POU6F2: variants seen among roughly 807,000 people sequenced by gnomAD.
The protein encoded by POU6F2 is POU class 6 homeobox 2, also known as POU domain, class 6, transcription factor 2.
POU6F2 carries 31 observed loss-of-function variants against 71.3 expected under a neutral mutation model. The ratio of observed to expected loss-of-function variants is 0.43; its 90% CI spans 0.33 to 0.59. The LOEUF (loss-of-function observed/expected upper bound fraction) is 0.59. Among genes scored for constraint, POU6F2 ranks in the 20% least tolerant of loss-of-function variants. POU6F2 has a pLI of 0.04. For missense variants in POU6F2, 783 were observed against 856.8 expected (o/e 0.91, Z 1.07); for synonymous variants, 347 against 355.7 (o/e 0.98, Z 0.27).
chr7:39,083,047 GTGCATGTTT>G (rs1308566212), intron 1 of POU6F2, among the ~76,000 whole-genome samples: 1 of 152,130 alleles, frequency 6.6e-6, no homozygotes, highest in Non-Finnish European at 1.5e-5. Context: ...CCATCTGCCA[GTGCATGTTT>G]TGCACACATC....
intron 1 of POU6F2, among the ~76,000 whole-genome samples, chr7:39,075,526 AC>A (rs1790982473): frequency 6.6e-6 from 1 of 152,242 alleles, no homozygotes; most frequent in Non-Finnish European, 1.5e-5. Context: ...AGATGTATAC[AC>A]ATATTTCATG....
chr7:39,225,313 C>T (rs549830659), intron 4 of POU6F2, among the ~76,000 whole-genome samples: 3 of 152,156 alleles, frequency 2.0e-5, no homozygotes, highest in East Asian at 3.9e-4. Flanking sequence ...AGCTAAAGCT[C>T]GAAAAGAGGG....
At chr7:39,169,781 CAG>C (rs1793184151) in intron 2 of POU6F2, among the ~76,000 whole-genome samples, 1 of 151,908 alleles carries the variant, frequency 6.6e-6, no homozygotes. Flanking sequence ...GGTTAGTACT[CAG>C]GATAAAATAT....
chr7:39,290,102 A>G (rs997635899), intron 4 of POU6F2, among the ~76,000 whole-genome samples: 16 of 152,254 alleles, frequency 1.1e-4, no homozygotes, highest in African/African-American at 3.9e-4. Flanking sequence ...GTATTTTTTA[A>G]CGTGTTTATG....
chr7:39,180,805 C>T (rs935716940), intron 2 of POU6F2, among the ~76,000 whole-genome samples: 1 of 152,156 alleles, frequency 6.6e-6, no homozygotes, highest in Non-Finnish European at 1.5e-5. Context: ...CCCTCTTCTC[C>T]CTACCAGCTG....
chr7:39,107,614 A>T (rs953599423), intron 2 of POU6F2, among the ~76,000 whole-genome samples: 8 of 152,196 alleles, frequency 5.3e-5, no homozygotes, highest in African/African-American at 1.9e-4. Context: ...GGAAAGTTTA[A>T]TAATGGTACT....
intron 2 of POU6F2, among the ~76,000 whole-genome samples, chr7:39,100,644 T>C (rs1791550347): frequency 6.6e-6 from 1 of 152,234 alleles, no homozygotes; most frequent in South Asian, 2.1e-4. Flanking sequence ...TACATGTTTG[T>C]GTTAATGTTA....
chr7:39,143,036 C>G (rs1013263757), intron 2 of POU6F2, among the ~76,000 whole-genome samples: 1 of 152,114 alleles, frequency 6.6e-6, no homozygotes, highest in Non-Finnish European at 1.5e-5. Flanking sequence ...TAGTATAAAC[C>G]CCTGCCTTCA....
At chr7:39,240,362 C>T (rs113351316) in intron 4 of POU6F2, among the ~76,000 whole-genome samples, 1 of 152,134 alleles carries the variant, frequency 6.6e-6, no homozygotes, top group African/African-American at 2.4e-5. Context: ...CTGGTTCTTA[C>T]ATCTGCCACT....
intron 5 of POU6F2, chr7:39,373,594 G>T: frequency 2.2e-6 from 1 of 455,052 alleles, no homozygotes; most frequent in South Asian, 1.6e-5. Context: ...TGCCTACCTA[G>T]TCTAGCTAAC....
rs1188437799 is a variant in POU6F2, at chr7:39,301,009, G to A, written c.599-38633G>A. Among the ~76,000 whole-genome samples the A allele has an allele frequency of 2.6e-5, 4 of 152,134 alleles. No homozygotes were observed. In the East Asian group the frequency reaches 5.8e-4, roughly 22 times the overall value. ...ACAGGGAAAATTGTATCCCATTTGTGTTTTGAGGAAATGCCATAGAGTAAC... is the reference window on the plus strand; with the variant it reads ...ACAGGGAAAATTGTATCCCATTTGTATTTTGAGGAAATGCCATAGAGTAAC... On this transcript the variant is annotated intron_variant, in intron 4 of 9. Coordinates refer to ENST00000518318, the MANE Select transcript of POU6F2 (RefSeq NM_001370959.1).
chr7:39,053,500 T>C (rs1790440213), intron 1 of POU6F2, among the ~76,000 whole-genome samples: 1 of 152,052 alleles, frequency 6.6e-6, no homozygotes, highest in East Asian at 1.9e-4. Context: ...CCACCAACTT[T>C]TTTCCCCCCA....
Position 39,204,972 on chromosome 7 carries a change from G to T in POU6F2, c.369+646G>T, listed in dbSNP as rs917671056. On this transcript the variant is annotated intron_variant, in intron 3 of 9. Transcript: ENST00000518318. The stretch of plus-strand genomic sequence containing the variant: ...CTTTCAGAGTTCATCCTGCTTTTTT[G>T]GAAAGAGAAGCTGAGACTTGGGCCT... Among the ~76,000 whole-genome samples, 4 of 143,680 alleles carry T rather than the reference G, an allele frequency of 2.8e-5. No homozygotes were observed. In the East Asian group the frequency reaches 8.2e-4, roughly 30 times the overall value. The allele number at this position is 143,680 out of a possible 152,430, so 94.3% of individuals were successfully genotyped here.
intron 4 of POU6F2, among the ~76,000 whole-genome samples, chr7:39,228,783 A>G (rs76665628): frequency 0.017 from 2,533 of 152,316 alleles, 67 homozygotes; most frequent in African/African-American, 0.058. Context: ...TGCTAAGTGG[A>G]ACCTTTTGGG....
At chr7:39,260,145 T>C (rs1484904048) in intron 4 of POU6F2, among the ~76,000 whole-genome samples, 4 of 135,216 alleles carry the variant, frequency 3.0e-5, no homozygotes, top group Non-Finnish European at 4.7e-5. Flanking sequence ...CCACACACTC[T>C]GTACTCATAC....
Position 39,040,072 on chromosome 7 carries a change from T to TATATAAAGTACA in POU6F2, c.106-45788_106-45787insATATAAAGTACA, listed in dbSNP as rs3057262. Among the ~76,000 whole-genome samples, 2 of 13,532 alleles carry TATATAAAGTACA rather than the reference T, an allele frequency of 1.5e-4. 1 individual carries two copies. Among genetic ancestry groups the TATATAAAGTACA allele is most frequent in the Non-Finnish European group, 2.4e-4 (2 of 8,372 alleles). 8.9% of individuals were successfully genotyped at this position (13,532 alleles called of 152,430 possible). On this transcript the variant is annotated intron_variant, in intron 1 of 9. Transcript: ENST00000518318. ...TTTTTCCTTTTAAAGTTTATATATA[T>TATATAAAGTACA]TATATACATATATATGTATTATATA...
intron 4 of POU6F2, among the ~76,000 whole-genome samples, chr7:39,236,807 T>C (rs1049791290): frequency 1.3e-5 from 2 of 152,250 alleles, no homozygotes; most frequent in Non-Finnish European, 2.9e-5. Context: ...ATTGTCACTT[T>C]ATGATACACA....
At chr7:39,045,011 C>G (rs1325947743) in intron 1 of POU6F2, among the ~76,000 whole-genome samples, 1 of 151,878 alleles carries the variant, frequency 6.6e-6, no homozygotes, top group Non-Finnish European at 1.5e-5. Context: ...TGCAATGCTT[C>G]TTGTGAAAAC....
In POU6F2 at chr7:39,156,632, C is replaced by T. The variant is rs573581071; in HGVS notation, c.278-47603C>T. On this transcript the variant is annotated intron_variant, in intron 2 of 9. Coordinates refer to ENST00000518318, the MANE Select transcript of POU6F2 (RefSeq NM_001370959.1). ...ATGGAGGACTTCCTTCTAGATTTTTCGAGTTTTATAGCTGGATGGAATCTT... is the reference window on the plus strand; with the variant it reads ...ATGGAGGACTTCCTTCTAGATTTTTTGAGTTTTATAGCTGGATGGAATCTT... Among the ~76,000 whole-genome samples the T allele has an allele frequency of 1.6e-4, 24 of 152,192 alleles. No homozygotes were observed. In the South Asian group the frequency reaches 3.9e-3, roughly 25 times the overall value.
Sources: gnomAD v4.1 joint callset for allele counts (sites outside exome capture counted in the v4.1 genomes callset) on GRCh38, gnomAD v4.1.1 for gene constraint, MANE v1.5 for transcripts, NCBI Gene and HGNC (gene_info 2026-07-23, HGNC 2026-07-21) for gene names.